SAMMSON: variants seen among roughly 807,000 people sequenced by gnomAD.
SAMMSON encodes long intergenic non-protein coding RNA 1212.
At chr3:70,083,858 T>G (rs1265110102) in intron 4 of SAMMSON, among the ~76,000 whole-genome samples, 1 of 152,130 alleles carries the variant, frequency 6.6e-6, no homozygotes, top group East Asian at 1.9e-4. Flanking sequence ...CATGATTCAT[T>G]TTGTTGTCTG....
intron 7 of SAMMSON, among the ~76,000 whole-genome samples, chr3:70,291,652 C>G (rs1434987272): frequency 6.6e-6 from 1 of 152,192 alleles, no homozygotes; most frequent in African/African-American, 2.4e-5. Flanking sequence ...TGTGGCTTCA[C>G]TCATAACAGA....
At chr3:70,342,496 C>T (rs139988217) in intron 7 of SAMMSON, among the ~76,000 whole-genome samples, 1 of 152,156 alleles carries the variant, frequency 6.6e-6, no homozygotes, top group African/African-American at 2.4e-5. Flanking sequence ...ACACTATATT[C>T]ATTCCAAAGT....
At chr3:70,295,623 T>C (rs1488166413) in intron 7 of SAMMSON, among the ~76,000 whole-genome samples, 1 of 152,096 alleles carries the variant, frequency 6.6e-6, no homozygotes, top group African/African-American at 2.4e-5. Context: ...GCCCAAGAGG[T>C]TGAGCCTGCA....
chr3:70,345,691 A>G (rs1246588508), intron 7 of SAMMSON, among the ~76,000 whole-genome samples: 1 of 152,138 alleles, frequency 6.6e-6, no homozygotes, highest in African/African-American at 2.4e-5. Context: ...TCGGTTTACC[A>G]TTTCCATTGT....
At chr3:70,366,164 G>GTATTTTTA (rs1260342600) in intron 9 of SAMMSON, among the ~76,000 whole-genome samples, 1 of 74,038 alleles carries the variant, frequency 1.4e-5, no homozygotes, top group East Asian at 2.8e-4. Context: ...CTAATTTTTT[G>GTATTTTTA]TATTTTTAGT....
At chr3:70,344,840 C>T (rs1040834216) in intron 7 of SAMMSON, among the ~76,000 whole-genome samples, 3 of 152,340 alleles carry the variant, frequency 2.0e-5, no homozygotes, top group African/African-American at 7.2e-5. Context: ...CAAGATGCTC[C>T]AGGCTACTCT....
At chr3:70,275,923 T>C (rs1380181772) in intron 6 of SAMMSON, among the ~76,000 whole-genome samples, 1 of 152,136 alleles carries the variant, frequency 6.6e-6, no homozygotes, top group Non-Finnish European at 1.5e-5. Context: ...TCGATGCAAA[T>C]CATGGTAACT....
intron 4 of SAMMSON, among the ~76,000 whole-genome samples, chr3:70,085,561 T>G (rs1214960395): frequency 6.6e-6 from 1 of 152,194 alleles, no homozygotes; most frequent in Non-Finnish European, 1.5e-5. Context: ...AAGTTCACAT[T>G]AAATTCACTT....
intron 2 of SAMMSON, among the ~76,000 whole-genome samples, chr3:70,395,702 C>G (rs1480194914): frequency 1.3e-5 from 2 of 151,972 alleles, no homozygotes; most frequent in Non-Finnish European, 2.9e-5. Context: ...GTGGCAGGGA[C>G]AGTCACGTAA....
At position 70,305,453 on chromosome 3, in the gene SAMMSON, A is replaced by G. The variant is rs574297212; in HGVS notation, n.739+14210A>G. Among the ~76,000 whole-genome samples the G allele has an allele frequency of 3.9e-5, 6 of 152,320 alleles. No individual in the cohort carries two copies. In the East Asian group the frequency reaches 1.2e-3, roughly 29 times the overall value. On this transcript the variant is annotated intron_variant and non_coding_transcript_variant, in intron 7 of 9. Coordinates refer to ENST00000642114, the Ensembl canonical transcript of SAMMSON. Reference sequence around the variant, plus strand: ...AGCATTAGTGTGGCTTAATATTTAAATGAGATACAAAAAATATCCCGTTTA... The same window carrying G: ...AGCATTAGTGTGGCTTAATATTTAAGTGAGATACAAAAAATATCCCGTTTA...
At chr3:70,366,991 T>C (rs1702927083) in intron 9 of SAMMSON, among the ~76,000 whole-genome samples, 1 of 151,728 alleles carries the variant, frequency 6.6e-6, no homozygotes, top group African/African-American at 2.4e-5. Context: ...GAGGTTTCCG[T>C]TCGTACTTTT....
At chr3:70,101,695 C>T (rs2067346899) in intron 4 of SAMMSON, among the ~76,000 whole-genome samples, 1 of 152,102 alleles carries the variant, frequency 6.6e-6, no homozygotes, top group Non-Finnish European at 1.5e-5. Context: ...CTCTTGCAAG[C>T]ATATTTATAT....
intron 3 of SAMMSON, among the ~76,000 whole-genome samples, chr3:70,026,903 G>A (rs1040826936): frequency 2.6e-5 from 4 of 152,082 alleles, no homozygotes; most frequent in Non-Finnish European, 5.9e-5. Context: ...AAGCATCCCC[G>A]GATGGTGGAA....
intron 4 of SAMMSON, among the ~76,000 whole-genome samples, chr3:70,179,233 CTG>C (rs1029602427): frequency 1.3e-5 from 2 of 152,216 alleles, no homozygotes; most frequent in Non-Finnish European, 2.9e-5. Context: ...TCTGTGGGTG[CTG>C]TCTCTTTTTC....
chr3:70,017,566 A>G (rs2066991471), intron 3 of SAMMSON, among the ~76,000 whole-genome samples: 2 of 152,088 alleles, frequency 1.3e-5, no homozygotes, highest in Admixed American at 1.3e-4. Flanking sequence ...CTAATTGACT[A>G]CCCTTTATTT....
intron 3 of SAMMSON, among the ~76,000 whole-genome samples, chr3:70,041,636 C>T (rs970089499): frequency 6.6e-6 from 1 of 151,490 alleles, no homozygotes; most frequent in African/African-American, 2.4e-5. Context: ...AAAAAAATAC[C>T]AATAAAAAAT....
At chr3:70,035,243 A>C (rs1231970966) in intron 3 of SAMMSON, among the ~76,000 whole-genome samples, 1 of 152,088 alleles carries the variant, frequency 6.6e-6, no homozygotes, top group Non-Finnish European at 1.5e-5. Flanking sequence ...AGGGCTGTCC[A>C]CATCCTGTTT....
chr3:70,316,880 G>A (rs1702498040), intron 7 of SAMMSON, among the ~76,000 whole-genome samples: 1 of 151,940 alleles, frequency 6.6e-6, no homozygotes, highest in Non-Finnish European at 1.5e-5. Flanking sequence ...TCATTAAAAA[G>A]GGTGCTTATC....
chr3:70,200,212 G>T (rs1166092836), intron 4 of SAMMSON, among the ~76,000 whole-genome samples: 1 of 152,122 alleles, frequency 6.6e-6, no homozygotes, highest in Non-Finnish European at 1.5e-5. Flanking sequence ...TAGCCTCCTG[G>T]CAAGGACACT....
Sources: gnomAD v4.1 joint callset for allele counts (sites outside exome capture counted in the v4.1 genomes callset) on GRCh38, gnomAD v4.1.1 for gene constraint, MANE v1.5 for transcripts, NCBI Gene and HGNC (gene_info 2026-07-23, HGNC 2026-07-21) for gene names.